Variants in PHACTR4 observed in about 807,000 individuals in gnomAD.
PHACTR4 encodes phosphatase and actin regulator 4.
PHACTR4 carries 51 observed loss-of-function variants against 72.7 expected under a neutral mutation model. The ratio of observed to expected loss-of-function variants is 0.70; its 90% CI spans 0.56 to 0.89. The LOEUF is 0.89. PHACTR4 is among the 40% of genes least tolerant of loss of function. The pLI is 0.00. For missense variants in PHACTR4, 731 were observed against 861.8 expected (o/e 0.85, Z 1.90); for synonymous variants, 255 against 302.5 (o/e 0.84, Z 1.63).
chr1:28,477,448 C>T (rs1659998426), intron 8 of PHACTR4, among the ~76,000 whole-genome samples: 1 of 148,166 alleles, frequency 6.7e-6, no homozygotes. Flanking sequence ...TCTAGGATTA[C>T]AGGCATGAGC....
At chr1:28,392,229 T>G (rs181270064) in intron 1 of PHACTR4, among the ~76,000 whole-genome samples, 702 of 152,216 alleles carry the variant, frequency 4.6e-3, no homozygotes, top group Non-Finnish European at 7.6e-3. Context: ...ATCTCTTTGC[T>G]CGGTGTCTCC....
intron 13 of PHACTR4, among the ~76,000 whole-genome samples, chr1:28,495,148 T>C (rs1178357308): frequency 6.6e-6 from 1 of 152,200 alleles, no homozygotes; most frequent in African/African-American, 2.4e-5. Context: ...AGGTGATAAG[T>C]TTAGCTGAAC....
intron 9 of PHACTR4, among the ~76,000 whole-genome samples, chr1:28,488,684 A>G (rs530489790): frequency 2.0e-4 from 31 of 152,124 alleles, no homozygotes; most frequent in Non-Finnish European, 4.4e-4. Context: ...GAGTCATAGA[A>G]GAAGTTTTGT....
chr1:28,456,540 T>C (rs1423976540), intron 2 of PHACTR4, among the ~76,000 whole-genome samples: 2 of 152,032 alleles, frequency 1.3e-5, no homozygotes, highest in Non-Finnish European at 2.9e-5. Flanking sequence ...CACAGCTCAT[T>C]GCAGCCTGGA....
intron 2 of PHACTR4, among the ~76,000 whole-genome samples, chr1:28,418,232 G>A (rs1215479994): frequency 6.6e-6 from 1 of 152,126 alleles, no homozygotes; most frequent in Admixed American, 6.5e-5. Flanking sequence ...GGAAGCCAAG[G>A]CAGGCAGATC....
intron 1 of PHACTR4, among the ~76,000 whole-genome samples, chr1:28,394,068 A>G (rs985703525): frequency 6.6e-6 from 1 of 152,080 alleles, no homozygotes; most frequent in Non-Finnish European, 1.5e-5. Context: ...TTCAGGAAGT[A>G]TTCTAGAAGA....
intron 9 of PHACTR4, among the ~76,000 whole-genome samples, chr1:28,487,001 A>C (rs1414762078): frequency 1.3e-5 from 2 of 152,166 alleles, no homozygotes; most frequent in African/African-American, 4.8e-5. Context: ...CATCACTACC[A>C]AAAATAAAAA....
intron 2 of PHACTR4, among the ~76,000 whole-genome samples, chr1:28,456,444 C>T (rs953213900): frequency 7.2e-5 from 11 of 152,142 alleles, no homozygotes; most frequent in African/African-American, 2.7e-4. Context: ...CTGAAGATTA[C>T]AATTCAACCT....
At chr1:28,438,013 G>A (rs1656742314) in intron 2 of PHACTR4, 3 of 328,154 alleles carry the variant, frequency 9.1e-6, no homozygotes, top group African/African-American at 2.4e-5. Context: ...AGCCTGGAGC[G>A]TTGCAGCCAA....
At chr1:28,447,415 A>G (rs1221433917) in intron 2 of PHACTR4, among the ~76,000 whole-genome samples, 1 of 146,778 alleles carries the variant, frequency 6.8e-6, no homozygotes, top group Non-Finnish European at 1.5e-5. Context: ...TTTTTGAGAC[A>G]GTCTCACTCT....
At chr1:28,450,790 T>TTG (rs140707466) in intron 2 of PHACTR4, among the ~76,000 whole-genome samples, 2,449 of 149,022 alleles carry the variant, frequency 0.016, 17 homozygotes, top group African/African-American at 0.022. Context: ...CAGCCAATTG[T>TTG]TGTGTGTGTG....
chr1:28,432,392 T>C (rs935085393), intron 2 of PHACTR4, among the ~76,000 whole-genome samples: 2 of 143,534 alleles, frequency 1.4e-5, no homozygotes, highest in African/African-American at 5.3e-5. Context: ...TTTTTTTGAG[T>C]AAAACTTTAA....
At chr1:28,390,376 C>T (rs1569790372) in intron 1 of PHACTR4, among the ~76,000 whole-genome samples, 1 of 152,194 alleles carries the variant, frequency 6.6e-6, no homozygotes, top group Non-Finnish European at 1.5e-5. Context: ...TTACAATTCT[C>T]ATATACCTAT....
Position 28,487,727 on chromosome 1 carries a change from G to GTTTTT in PHACTR4, c.1761-1421_1761-1417dup, listed in dbSNP as rs780028378. Reference sequence around the variant, plus strand: ...AAATGACAAATTGTAGTTTTTTGTTGTTTTTTTTTTTTTTTTTTTTTTTTT... The same window carrying GTTTTT: ...AAATGACAAATTGTAGTTTTTTGTTGTTTTTTTTTTTTTTTTTTTTTTTTTTTTTT... On this transcript the variant is annotated intron_variant, in intron 9 of 13. Coordinates refer to ENST00000373839, the MANE Select transcript of PHACTR4 (RefSeq NM_001048183.3). Among the ~76,000 whole-genome samples the GTTTTT allele has an allele frequency of 1.9e-3, 120 of 63,306 alleles. 17 individuals are homozygous for GTTTTT. Among genetic ancestry groups the GTTTTT allele is most frequent in the African/African-American group, 6.2e-3 (112 of 17,966 alleles). The allele number at this position is 63,306 out of a possible 152,430, so 41.5% of individuals were successfully genotyped here. A position where few individuals can be genotyped will look rare whatever the true frequency, so the allele number is the denominator to read the frequency against.
At chr1:28,496,290 T>C (rs1180211600) in intron 13 of PHACTR4, among the ~76,000 whole-genome samples, 2 of 151,582 alleles carry the variant, frequency 1.3e-5, no homozygotes, top group African/African-American at 2.4e-5. Flanking sequence ...TCTCCTGACC[T>C]CTTGATCCGC....
chr1:28,382,270 C>G (rs1256862009), intron 1 of PHACTR4, among the ~76,000 whole-genome samples: 3 of 151,688 alleles, frequency 2.0e-5, no homozygotes, highest in African/African-American at 4.8e-5. Flanking sequence ...TCAATTTTTG[C>G]TTTTGTAGTA....
intron 6 of PHACTR4, among the ~76,000 whole-genome samples, chr1:28,468,193 G>A (rs1299220590): frequency 3.3e-5 from 5 of 152,074 alleles, no homozygotes; most frequent in Admixed American, 1.3e-4. Context: ...GAGGAACTTG[G>A]GGAGCTTTCA....
At chr1:28,392,812 T>C (rs1653163708) in intron 1 of PHACTR4, among the ~76,000 whole-genome samples, 1 of 152,208 alleles carries the variant, frequency 6.6e-6, no homozygotes, top group Non-Finnish European at 1.5e-5. Context: ...TTTTTTGTTT[T>C]TTATGAACCC....
At chr1:28,475,229 G>C (rs1659847894) in intron 7 of PHACTR4, among the ~76,000 whole-genome samples, 1 of 151,794 alleles carries the variant, frequency 6.6e-6, no homozygotes, top group Non-Finnish European at 1.5e-5. Context: ...GGGATCATGG[G>C]TGTGAGCCAC....
Sources: gnomAD v4.1 joint callset for allele counts (sites outside exome capture counted in the v4.1 genomes callset) on GRCh38, gnomAD v4.1.1 for gene constraint, MANE v1.5 for transcripts, NCBI Gene and HGNC (gene_info 2026-07-23, HGNC 2026-07-21) for gene names.